PRPF18: variants seen among roughly 807,000 people sequenced by gnomAD.
PRPF18 encodes pre-mRNA-splicing factor 18.
A neutral mutation model predicts 46.5 loss-of-function variants in PRPF18; 38 were observed. The observed-to-expected ratio is 0.82, with a 90% CI of 0.63 to 1.07. PRPF18 has a LOEUF of 1.07. Among genes scored for constraint, PRPF18 ranks in the 50% least tolerant of loss-of-function variants. The pLI is 0.00. For missense variants in PRPF18, 263 were observed against 410.0 expected (o/e 0.64, Z 3.10); for synonymous variants, 152 against 146.7 (o/e 1.04, Z -0.26).
chr10:13,636,362 T>G, the PRPF18 span, among the ~76,000 whole-genome samples: 8 of 152,222 alleles, frequency 5.3e-5, no homozygotes, highest in Non-Finnish European at 8.8e-5. Flanking sequence ...GAGGCTGTAG[T>G]GAGCAGTGAT....
intron 6 of PRPF18, among the ~76,000 whole-genome samples, 154 bp from the exon 7 acceptor site, chr10:13,613,587 G>A (rs747138597): frequency 6.6e-6 from 1 of 152,182 alleles, no homozygotes; most frequent in East Asian, 1.9e-4. Flanking sequence ...TGACCAATAA[G>A]CAGAACTAGC....
chr10:13,635,348 G>A (rs1458154177), downstream of PRPF18, among the ~76,000 whole-genome samples: 2 of 152,168 alleles, frequency 1.3e-5, no homozygotes, highest in African/African-American at 2.4e-5. Flanking sequence ...TTGTGTCGCA[G>A]TGAACATACA....
At chr10:13,596,443 A>G (rs2080036200) in intron 1 of PRPF18, among the ~76,000 whole-genome samples, 1 of 152,132 alleles carries the variant, frequency 6.6e-6, no homozygotes, top group Non-Finnish European at 1.5e-5. Context: ...TTTAGCATCC[A>G]TTGATGATCA....
At chr10:13,649,061 C>G in the PRPF18 span, among the ~76,000 whole-genome samples, 1 of 152,172 alleles carries the variant, frequency 6.6e-6, no homozygotes, top group Non-Finnish European at 1.5e-5. Context: ...AACAGTATCA[C>G]CTATTAACAT....
At chr10:13,633,301 A>G (rs2080606755), downstream of PRPF18, among the ~76,000 whole-genome samples, 1 of 152,210 alleles carries the variant, frequency 6.6e-6, no homozygotes, top group African/African-American at 2.4e-5. Context: ...TCAGAGGACT[A>G]GGAAACAGGC....
At chr10:13,611,747 G>T (rs1480605534) in intron 6 of PRPF18, 64 bp downstream of exon 6, 3 of 1,439,944 alleles carry the variant, frequency 2.1e-6, no homozygotes, top group Non-Finnish European at 1.9e-6. Flanking sequence ...TTATATTTTT[G>T]GATTACCAAG....
downstream of PRPF18, chr10:13,632,608 C>T (rs1028996296): frequency 1.7e-4 from 26 of 152,120 alleles, no homozygotes; most frequent in African/African-American, 5.3e-4. Context: ...CCAGTACCTC[C>T]TAAAATTGGT....
intron 9 of PRPF18, among the ~76,000 whole-genome samples, chr10:13,625,529 C>T (rs181809550): frequency 1.3e-5 from 2 of 152,140 alleles, no homozygotes; most frequent in Admixed American, 6.5e-5. Context: ...ACGTTTATAG[C>T]CATTACAACA....
At chr10:13,588,636 A>G (rs1490573977) in intron 1 of PRPF18, among the ~76,000 whole-genome samples, 1 of 152,102 alleles carries the variant, frequency 6.6e-6, no homozygotes, top group East Asian at 1.9e-4. Context: ...AATTTTTTAA[A>G]TTCTATTCCT....
At chr10:13,602,621 T>C (rs1022778691) in intron 3 of PRPF18, among the ~76,000 whole-genome samples, 7 of 151,916 alleles carry the variant, frequency 4.6e-5, no homozygotes, top group African/African-American at 1.7e-4. Context: ...ATTCTTTATA[T>C]ATAGAAAATG....
Position 13,611,631 on chromosome 10 carries a change from T to C in PRPF18, c.527T>C (p.Leu176Ser), listed in dbSNP as rs549118288. 3 of 1,613,930 alleles carry C rather than the reference T, an allele frequency of 1.9e-6. No individual in the cohort carries two copies. Among genetic ancestry groups the C allele is most frequent in the Middle Eastern group, 1.6e-4 (1 of 6,062 alleles). The change falls in exon 6 of 10, where the codon TTA (leucine) becomes TCA (serine). Residue 176 changes from leucine (L) to serine (S), a missense_variant. Around this residue, in one of 4 missense-constraint regions of PRPF18, gnomAD observed 155 missense variants for 245.1 expected, o/e 0.63. Transcript: ENST00000378572. ...IEELEALGES[L>S]GKGDDHKDMD... is the part of the protein sequence containing the mutation. ...TTTCTTCAGGCGCTTGGAGAGTCCTTAGGGAAAGGCGATGATCATAAAGAC... is the reference window on the plus strand; with the variant it reads ...TTTCTTCAGGCGCTTGGAGAGTCCTCAGGGAAAGGCGATGATCATAAAGAC...
chr10:13,636,591 T>C, the PRPF18 span, among the ~76,000 whole-genome samples: 1 of 152,184 alleles, frequency 6.6e-6, no homozygotes, highest in African/African-American at 2.4e-5. Context: ...AATTTTCTTA[T>C]TGGCAGTATA....
intron 9 of PRPF18, among the ~76,000 whole-genome samples, chr10:13,618,239 C>CT (rs1258620242): frequency 2.6e-5 from 4 of 152,000 alleles, no homozygotes; most frequent in Non-Finnish European, 4.4e-5. Flanking sequence ...AGGGCAGAGT[C>CT]TAAAAATACA....
At chr10:13,621,317 G>A (rs1361219462) in intron 9 of PRPF18, among the ~76,000 whole-genome samples, 3 of 152,196 alleles carry the variant, frequency 2.0e-5, no homozygotes, top group Admixed American at 6.5e-5. Flanking sequence ...TGGAGCAGGC[G>A]ATGAGAGGGA....
chr10:13,628,800 A>G (rs2080548654), intron 9 of PRPF18, among the ~76,000 whole-genome samples: 1 of 152,178 alleles, frequency 6.6e-6, no homozygotes, highest in African/African-American at 2.4e-5. Flanking sequence ...AAACAAGGAA[A>G]TGTGTGTGTT....
intron 1 of PRPF18, among the ~76,000 whole-genome samples, chr10:13,589,077 A>G (rs748036082): frequency 6.6e-6 from 1 of 152,244 alleles, no homozygotes; most frequent in Non-Finnish European, 1.5e-5. Flanking sequence ...GATCTGAGAA[A>G]CATCTGTAAG....
chr10:13,601,993 A>G (rs1207874931), intron 3 of PRPF18, among the ~76,000 whole-genome samples: 1 of 152,162 alleles, frequency 6.6e-6, no homozygotes. Context: ...CAATAGGATA[A>G]TTTCCTAGGA....
chr10:13,611,585 T>C (rs1238451511), intron 5 of PRPF18, 30 bp from the exon 6 acceptor site: 3 of 1,590,328 alleles, frequency 1.9e-6, no homozygotes, highest in Admixed American at 3.3e-5. Context: ...TCTGTATTAA[T>C]GAACAGAAGC....
chr10:13,618,306 AAG>A (rs1442594538), intron 9 of PRPF18, among the ~76,000 whole-genome samples: 1 of 152,166 alleles, frequency 6.6e-6, no homozygotes, highest in Non-Finnish European at 1.5e-5. Context: ...CCTTTTGCTT[AAG>A]CTTATAATTT....
Sources: gnomAD v4.1 joint callset for allele counts (sites outside exome capture counted in the v4.1 genomes callset) on GRCh38, gnomAD v4.1.1 for gene constraint, gnomAD v4.1.1 regional missense constraint, MANE v1.5 for transcripts, NCBI Gene and HGNC (gene_info 2026-07-23, HGNC 2026-07-21) for gene names.